Variants in MAP7D2 observed in about 807,000 individuals in gnomAD.
The protein encoded by MAP7D2 is MAP7 domain-containing protein 2.
In MAP7D2, 33 loss-of-function variants were observed where a neutral mutation model predicts 63.5. The observed-to-expected ratio is 0.52, with a 90% CI of 0.39 to 0.70. The LOEUF (loss-of-function observed/expected upper bound fraction) is 0.70. Among genes scored for constraint, MAP7D2 ranks in the 30% least tolerant of loss-of-function variants. MAP7D2 has a pLI of 0.00. For missense variants in MAP7D2, 626 were observed against 604.0 expected (o/e 1.04, Z -0.38); for synonymous variants, 224 against 223.7 (o/e 1.00, Z -0.01).
intron 8 of MAP7D2, among the ~76,000 whole-genome samples, chrX:20,028,925 A>G (rs1029504807): frequency 2.7e-5 from 3 of 111,748 alleles, no homozygotes; most frequent in African/African-American, 9.8e-5. Context: ...GTTGAGGAGG[A>G]CTTTCTGGCA....
chrX:20,082,215 T>C, intron 1 of MAP7D2, among the ~76,000 whole-genome samples: 1 of 111,386 alleles, frequency 9.0e-6, no homozygotes. Flanking sequence ...AAAGGATAAA[T>C]AAAGGGGCTA....
intron 1 of MAP7D2, among the ~76,000 whole-genome samples, chrX:20,080,831 G>C (rs1482671518): frequency 1.8e-5 from 2 of 111,931 alleles, no homozygotes; most frequent in Non-Finnish European, 3.8e-5. Flanking sequence ...TACACTATGC[G>C]CTACACAAGC....
intron 1 of MAP7D2, among the ~76,000 whole-genome samples, chrX:20,100,777 T>C (rs889241568): frequency 1.8e-5 from 2 of 110,947 alleles, no homozygotes; most frequent in Admixed American, 1.9e-4. Context: ...ATCCCAGCAC[T>C]TTGGGAGGCT....
chrX:20,102,903 G>A (rs2066474988), intron 1 of MAP7D2, among the ~76,000 whole-genome samples: 1 of 111,170 alleles, frequency 9.0e-6, no homozygotes, highest in Non-Finnish European at 1.9e-5. Context: ...GAGTTGGAAC[G>A]CACCAGTAAG....
intron 1 of MAP7D2, among the ~76,000 whole-genome samples, chrX:20,084,590 A>G: frequency 1.6e-5 from 1 of 63,354 alleles, no homozygotes; most frequent in South Asian, 1.1e-3. Flanking sequence ...TCTTTTTGAG[A>G]CAGAGTCTCA....
chrX:20,057,953 T>C (rs1163052113), intron 3 of MAP7D2, among the ~76,000 whole-genome samples: 1 of 112,766 alleles, frequency 8.9e-6, no homozygotes, highest in Non-Finnish European at 1.9e-5. Flanking sequence ...AGGGATGAGA[T>C]GAGGATCTGG....
intron 8 of MAP7D2, among the ~76,000 whole-genome samples, chrX:20,031,763 T>C (rs1358688085): frequency 9.0e-6 from 1 of 111,641 alleles, no homozygotes; most frequent in African/African-American, 3.3e-5. Flanking sequence ...CAAGAGTCTG[T>C]CTCAAAAAAA....
chrX:20,025,557 C>A, intron 9 of MAP7D2, 124 bp downstream of exon 9: 2 of 867,460 alleles, frequency 2.3e-6, no homozygotes, highest in East Asian at 3.1e-5. Flanking sequence ...GAAAGCTGCA[C>A]GAGGGGATGC....
At chrX:20,107,735 G>C (rs971024666) in intron 1 of MAP7D2, among the ~76,000 whole-genome samples, 4 of 111,563 alleles carry the variant, frequency 3.6e-5, no homozygotes, top group Non-Finnish European at 5.6e-5. Flanking sequence ...GTTTGTATTA[G>C]CCAGCACTGA....
intron 8 of MAP7D2, among the ~76,000 whole-genome samples, chrX:20,039,914 G>A (rs1468026994): frequency 9.5e-6 from 1 of 105,280 alleles, no homozygotes; most frequent in Non-Finnish European, 1.9e-5. Context: ...CAGGGGAATC[G>A]CTTGAACCTG....
At chrX:20,074,169 T>G (rs994364354) in intron 1 of MAP7D2, among the ~76,000 whole-genome samples, 1 of 108,673 alleles carries the variant, frequency 9.2e-6, no homozygotes, top group Non-Finnish European at 1.9e-5. Flanking sequence ...ATGGAGACTT[T>G]AAAACATCAA....
chrX:20,112,138 A>G (rs1161940865), intron 1 of MAP7D2, among the ~76,000 whole-genome samples: 1 of 111,908 alleles, frequency 8.9e-6, no homozygotes, highest in East Asian at 2.8e-4. Context: ...CAAAGGAGCA[A>G]GGAACATTCC....
intron 1 of MAP7D2, among the ~76,000 whole-genome samples, chrX:20,079,980 G>A (rs1018845963): frequency 9.9e-5 from 11 of 111,663 alleles, no homozygotes; most frequent in African/African-American, 2.3e-4. Context: ...CAAAGGTAGC[G>A]AAGGAAGACA....
At position 20,016,139 on chromosome X, in the gene MAP7D2, T is replaced by G; in HGVS notation, c.1599A>C (p.Glu533Asp). ...RKAEEELLLK[E>D]KQEQEKQEKA... ...TCTCTTGTTTTTCTTGTTCTTGCTT[T>G]TCTTTCAACAACAGCTCCTCCTCAG... The change falls in exon 11 of 17, where the codon GAA becomes GAC. Residue 533 changes from glutamate (E) to aspartate (D), a missense_variant. Coordinates refer to ENST00000379643, the MANE Select transcript of MAP7D2 (RefSeq NM_001168465.2). The G allele has an allele frequency of 8.3e-7, 1 of 1,206,509 alleles. No homozygotes were observed. The highest frequency in any genetic ancestry group is 3.0e-5 in the East Asian group (1 of 33,666).
chrX:20,015,347 C>T lies in MAP7D2; in HGVS notation c.1645-20G>A, dbSNP rs765042184. 6.1e-6 allele frequency: 7 copies of T among 1,145,315 alleles called. No individual in the cohort carries two copies. In the African/African-American group the frequency reaches 1.1e-4, roughly 17 times the overall value. The allele number at this position is 1,145,315 out of a possible 1,213,427, so 94.4% of individuals were successfully genotyped here. Reference sequence around the variant, plus strand: ...TTCTTTCTAACAGAAACAGGTAAATCAAGGCAAAGCTTTAATAAGCTAAGA... The same window carrying T: ...TTCTTTCTAACAGAAACAGGTAAATTAAGGCAAAGCTTTAATAAGCTAAGA... On this transcript the variant is annotated intron_variant, in intron 11 of 16. Coordinates refer to ENST00000379643, the MANE Select transcript of MAP7D2 (RefSeq NM_001168465.2).
chrX:20,081,477 T>C (rs996569425), intron 1 of MAP7D2, among the ~76,000 whole-genome samples: 51 of 111,328 alleles, frequency 4.6e-4, no homozygotes, highest in African/African-American at 1.5e-3. Flanking sequence ...AAGCTGATTA[T>C]ATTGTCCTCA....
At chrX:20,022,634 G>C (rs1335360937) in intron 10 of MAP7D2, among the ~76,000 whole-genome samples, 1 of 111,682 alleles carries the variant, frequency 9.0e-6, no homozygotes, top group Non-Finnish European at 1.9e-5. Flanking sequence ...GAAGAAGAAG[G>C]AAAGGAAAGA....
rs766994026 is a variant in MAP7D2, at chrX:20,052,964, G to T, written c.509C>A (p.Thr170Asn). The change falls in exon 5 of 17, where the codon ACT becomes AAT. Residue 170 changes from threonine (T) to asparagine (N), a missense_variant. By Grantham distance (65) the Thr-to-Asn change is moderately conservative. Transcript: ENST00000379643. ...CTCCGTTGGCTTTGGCAAACTCATA[G>T]TTGATGTTGAAAGTTTGTCACATGC... is the stretch of plus-strand genomic sequence containing the variant. ...HDACDKLSTS[T>N]MSLPKPTEPP... 1.7e-6 allele frequency: 2 copies of T among 1,208,361 alleles called. No homozygotes were observed. Among genetic ancestry groups the T allele is most frequent in the Admixed American group, 4.3e-5 (2 of 46,077 alleles).
intron 1 of MAP7D2, among the ~76,000 whole-genome samples, chrX:20,095,711 C>T (rs770056203): frequency 2.9e-4 from 32 of 111,942 alleles, no homozygotes; most frequent in Admixed American, 9.5e-5. Flanking sequence ...GGGGAAGCAA[C>T]CCCAATGTCT....
Sources: gnomAD v4.1 joint callset for allele counts (sites outside exome capture counted in the v4.1 genomes callset) on GRCh38, gnomAD v4.1.1 for gene constraint, MANE v1.5 for transcripts, NCBI Gene and HGNC (gene_info 2026-07-23, HGNC 2026-07-21) for gene names.